ADGRV1: variants seen among roughly 807,000 people sequenced by gnomAD.
ADGRV1 encodes adhesion G protein-coupled receptor V1.
A neutral mutation model predicts 596.2 loss-of-function variants in ADGRV1; 359 were observed. That is an observed-to-expected ratio of 0.60 (90% confidence interval 0.55 to 0.66). The LOEUF is 0.66. ADGRV1 is among the 30% of genes least tolerant of loss of function. The pLI is 0.00. For synonymous variants in ADGRV1, 2,681 were observed against 2,679.2 expected (o/e 1.00, Z -0.02); for missense variants, 7,274 against 7,575.6 (o/e 0.96, Z 1.48).
At chr5:91,016,767 T>C (rs1188929082) in intron 85 of ADGRV1, among the ~76,000 whole-genome samples, 1 of 151,906 alleles carries the variant, frequency 6.6e-6, no homozygotes, top group Non-Finnish European at 1.5e-5. Flanking sequence ...ATCAATTCAA[T>C]AAATATTTTT....
At position 90,753,561 on chromosome 5, in the gene ADGRV1, T is replaced by C; in HGVS notation, c.11122-13T>C. 6.4e-7 allele frequency: 1 copy of C among 1,570,772 alleles called. No individual in the cohort carries two copies. The highest frequency in any genetic ancestry group is 8.7e-7 in the Non-Finnish European group (1 of 1,144,654). ...TACAAAATAAATAACATCTTCTTTC[T>C]TTAAAATTCTAGATTTTATTTACTG... On this transcript the variant is annotated splice_polypyrimidine_tract_variant and intron_variant, in intron 53 of 89. Transcript: ENST00000405460.
intron 26 of ADGRV1, among the ~76,000 whole-genome samples, chr5:90,681,064 A>T (rs1437058153): frequency 6.6e-6 from 1 of 152,208 alleles, no homozygotes; most frequent in Non-Finnish European, 1.5e-5. Flanking sequence ...AAGAAAAACA[A>T]GTTTTCCTTA....
intron 22 of ADGRV1, among the ~76,000 whole-genome samples, chr5:90,673,370 A>C (rs964480474): frequency 5.3e-5 from 8 of 152,212 alleles, no homozygotes; most frequent in Non-Finnish European, 2.9e-5. Flanking sequence ...TTGGTACAAA[A>C]AATATATGAT....
chr5:90,820,318 G>T (rs1461552283), intron 75 of ADGRV1, among the ~76,000 whole-genome samples: 1 of 143,436 alleles, frequency 7.0e-6, no homozygotes, highest in African/African-American at 2.7e-5. Context: ...GTCTCTGCAC[G>T]TGAGATGGGT....
At chr5:90,847,181 T>C (rs1765971738) in intron 78 of ADGRV1, among the ~76,000 whole-genome samples, 1 of 152,156 alleles carries the variant, frequency 6.6e-6, no homozygotes, top group Non-Finnish European at 1.5e-5. Flanking sequence ...GGGTGCTGAT[T>C]GGTGTGTTTA....
chr5:91,156,198 C>T (rs190508625), intron 89 of ADGRV1, among the ~76,000 whole-genome samples: 1 of 151,602 alleles, frequency 6.6e-6, no homozygotes. Flanking sequence ...ATATTTGAAG[C>T]TATGGAGATG....
intron 83 of ADGRV1, among the ~76,000 whole-genome samples, chr5:90,907,059 T>C (rs1178785512): frequency 6.6e-6 from 1 of 152,182 alleles, no homozygotes; most frequent in Non-Finnish European, 1.5e-5. Flanking sequence ...CAAGTTAAGA[T>C]ACATATATGA....
chr5:90,864,798 A>T (rs1767934702), intron 83 of ADGRV1, among the ~76,000 whole-genome samples: 1 of 152,214 alleles, frequency 6.6e-6, no homozygotes, highest in Non-Finnish European at 1.5e-5. Context: ...TTATAAAATT[A>T]AAAAATCCCA....
At chr5:90,945,342 A>T (rs1342789734) in intron 83 of ADGRV1, among the ~76,000 whole-genome samples, 1 of 152,100 alleles carries the variant, frequency 6.6e-6, no homozygotes, top group East Asian at 1.9e-4. Context: ...AGGAGGCAAG[A>T]CCACTTATTT....
intron 83 of ADGRV1, among the ~76,000 whole-genome samples, chr5:90,913,584 G>T (rs1773089304): frequency 6.6e-6 from 1 of 152,102 alleles, no homozygotes; most frequent in South Asian, 2.1e-4. Context: ...AAATGTCTGA[G>T]TTTTATTTTT....
intron 84 of ADGRV1, among the ~76,000 whole-genome samples, chr5:90,984,288 A>G (rs1780314401): frequency 6.6e-6 from 1 of 152,200 alleles, no homozygotes; most frequent in African/African-American, 2.4e-5. Flanking sequence ...AGGAGGATTT[A>G]TCCAGGCAAT....
chr5:90,674,228 C>G lies in ADGRV1; in HGVS notation c.5104C>G (p.Pro1702Ala). 1.9e-6 allele frequency: 3 copies of G among 1,594,292 alleles called. No individual in the cohort carries two copies. Among genetic ancestry groups the G allele is most frequent in the Non-Finnish European group, 2.6e-6 (3 of 1,170,514 alleles). Residue 1702 changes from proline (P) to alanine (A), a missense_variant, in exon 23 of 90, where the codon CCA becomes GCA. Physicochemically the swap from Pro to Ala is conservative, Grantham distance 27 (BLOSUM62 -1). This residue lies in a region of ADGRV1 where 3,643 missense variants were observed against 3,809.2 expected (regional missense o/e 0.96). Transcript: ENST00000405460. Reference sequence around the variant, plus strand: ...TATCACCATCAAAGCTAGTGATCATCCATATGGTAACCTGCTCCTTTTGCA... The same window carrying G: ...TATCACCATCAAAGCTAGTGATCATGCATATGGTAACCTGCTCCTTTTGCA... Reference protein sequence around the residue: ...TDITIKASDHPYGLLQFSTGL... With the variant: ...TDITIKASDHAYGLLQFSTGL...
At chr5:90,645,165 G>C (rs1013146191) in intron 15 of ADGRV1, among the ~76,000 whole-genome samples, 1 of 152,228 alleles carries the variant, frequency 6.6e-6, no homozygotes, top group Non-Finnish European at 1.5e-5. Flanking sequence ...TTGAAGGCAA[G>C]GTCATCTATC....
In ADGRV1 at chr5:90,572,202, T is replaced by C. The variant is rs548712404; in HGVS notation, c.22+13285T>C. On this transcript the variant is annotated intron_variant, in intron 1 of 89. Coordinates refer to ENST00000405460, the MANE Select transcript of ADGRV1 (RefSeq NM_032119.4). ...ATTGGAATGGGCAGAAGAGAGCAAA[T>C]TAATAAAGGCAATAACAGTGGATGT... 8.5e-5 allele frequency among the ~76,000 whole-genome samples: 13 copies of C among 152,156 alleles called. No homozygotes were observed. In the East Asian group the frequency reaches 1.5e-3, roughly 18 times the overall value.
intron 1 of ADGRV1, among the ~76,000 whole-genome samples, chr5:90,565,853 C>G (rs1423758587): frequency 6.6e-6 from 1 of 152,066 alleles, no homozygotes; most frequent in Non-Finnish European, 1.5e-5. Flanking sequence ...TGTTAACCAT[C>G]CTATTCGGTG....
chr5:91,004,019 A>T (rs1203435805), intron 85 of ADGRV1, among the ~76,000 whole-genome samples: 1 of 152,156 alleles, frequency 6.6e-6, no homozygotes. Flanking sequence ...CAGATTAAAC[A>T]TGCACTCAAC....
intron 87 of ADGRV1, among the ~76,000 whole-genome samples, chr5:91,148,065 G>A (rs1204422994): frequency 5.3e-5 from 8 of 152,164 alleles, no homozygotes; most frequent in Admixed American, 2.0e-4. Context: ...GAACTTGAGA[G>A]AGATAATTTA....
intron 86 of ADGRV1, among the ~76,000 whole-genome samples, chr5:91,075,578 ATTG>A (rs1788783218): frequency 6.6e-6 from 1 of 152,150 alleles, no homozygotes; most frequent in South Asian, 2.1e-4. Context: ...GCATTGCCCT[ATTG>A]TTGTGTTACA....
At chr5:90,667,618 G>A (rs1771665196) in intron 21 of ADGRV1, among the ~76,000 whole-genome samples, 1 of 151,416 alleles carries the variant, frequency 6.6e-6, no homozygotes, top group Admixed American at 6.6e-5. Context: ...GCTGGTGAAA[G>A]TCATTCTCCA....
Sources: allele counts gnomAD v4.1 joint callset (sites outside exome capture counted in the v4.1 genomes callset), GRCh38; gene constraint gnomAD v4.1.1; regional missense constraint gnomAD v4.1.1; transcripts MANE v1.5; gene names NCBI Gene and HGNC (gene_info 2026-07-23, HGNC 2026-07-21).